CNTN4: variants seen among roughly 807,000 people sequenced by gnomAD.
CNTN4 encodes the protein contactin 4, also known as contactin-4.
A neutral mutation model predicts 122.5 loss-of-function variants in CNTN4; 77 were observed. The observed-to-expected ratio is 0.63, with a 90% CI of 0.52 to 0.76. The LOEUF (loss-of-function observed/expected upper bound fraction) is 0.76. Among genes scored for constraint, CNTN4 ranks in the 30% least tolerant of loss-of-function variants. CNTN4 has a pLI of 0.00. For synonymous variants in CNTN4, 512 were observed against 447.0 expected (o/e 1.15, Z -1.83); for missense variants, 1,256 against 1,259.1 (o/e 1.00, Z 0.04).
chr3:2,419,275 T>C (rs561539204), intron 3 of CNTN4, among the ~76,000 whole-genome samples: 3 of 152,336 alleles, frequency 2.0e-5, no homozygotes, highest in Non-Finnish European at 2.9e-5. Context: ...TCCACTCTAA[T>C]GTAGCTTTCT....
At chr3:2,118,553 T>C (rs1172044960) in intron 2 of CNTN4, among the ~76,000 whole-genome samples, 4 of 152,260 alleles carry the variant, frequency 2.6e-5, no homozygotes, top group African/African-American at 7.2e-5. Context: ...AGTAGATTGG[T>C]AATTTGTGCA....
chr3:2,273,006 A>T (rs1575229873), intron 2 of CNTN4, among the ~76,000 whole-genome samples: 1 of 152,154 alleles, frequency 6.6e-6, no homozygotes, highest in Non-Finnish European at 1.5e-5. Context: ...TATCTTCAAA[A>T]ATATCAACAT....
At chr3:2,731,613 C>T (rs1207806216) in intron 4 of CNTN4, among the ~76,000 whole-genome samples, 1 of 152,136 alleles carries the variant, frequency 6.6e-6, no homozygotes, top group Non-Finnish European at 1.5e-5. Flanking sequence ...TTAGGAATTC[C>T]TAGAAGGGTG....
chr3:2,343,885 C>G (rs2044299450), intron 3 of CNTN4, among the ~76,000 whole-genome samples: 1 of 152,164 alleles, frequency 6.6e-6, no homozygotes, highest in Non-Finnish European at 1.5e-5. Context: ...GCACCAGCAT[C>G]TGTGTGTGGT....
At chr3:3,039,191 A>T in intron 19 of CNTN4, 188 bp downstream of exon 19, 1 of 607,882 alleles carries the variant, frequency 1.6e-6, no homozygotes, top group South Asian at 1.9e-5. Context: ...TCCATTGTTG[A>T]GGCAAGTTTT....
intron 3 of CNTN4, among the ~76,000 whole-genome samples, chr3:2,350,299 G>A (rs1459075159): frequency 6.6e-6 from 1 of 152,156 alleles, no homozygotes; most frequent in African/African-American, 2.4e-5. Context: ...TTCTTTAAGA[G>A]TGTAAAAAAC....
intron 6 of CNTN4, among the ~76,000 whole-genome samples, chr3:2,795,625 A>G (rs2092149938): frequency 6.7e-6 from 1 of 148,972 alleles, no homozygotes; most frequent in African/African-American, 2.5e-5. Context: ...GGTTCACGCC[A>G]TTCTCCTGCC....
At chr3:2,244,573 A>C (rs1559374380) in intron 2 of CNTN4, among the ~76,000 whole-genome samples, 1 of 152,110 alleles carries the variant, frequency 6.6e-6, no homozygotes, top group Non-Finnish European at 1.5e-5. Context: ...TAGGTTACAT[A>C]AAATATATTA....
At chr3:3,032,790 A>G (rs1039250) in intron 16 of CNTN4, among the ~76,000 whole-genome samples, 93,869 of 152,076 alleles carry the variant, frequency 0.62, 29,359 homozygotes, top group Middle Eastern at 0.71. Flanking sequence ...AATCTTCTAC[A>G]TGCCCCTGAG....
intron 6 of CNTN4, among the ~76,000 whole-genome samples, chr3:2,779,772 G>C (rs1349322105): frequency 6.6e-6 from 1 of 152,182 alleles, no homozygotes; most frequent in African/African-American, 2.4e-5. Context: ...CATACAATAA[G>C]TGGTGGTGGT....
At chr3:2,759,404 C>T (rs1274958940) in intron 6 of CNTN4, among the ~76,000 whole-genome samples, 1 of 152,188 alleles carries the variant, frequency 6.6e-6, no homozygotes, top group Non-Finnish European at 1.5e-5. Flanking sequence ...GCCTCGGCCT[C>T]CCAAAGTGCT....
chr3:2,801,756 A>G (rs1475247388), intron 6 of CNTN4, among the ~76,000 whole-genome samples: 1 of 145,656 alleles, frequency 6.9e-6, no homozygotes, highest in Admixed American at 7.0e-5. Context: ...CCTCAAGGAG[A>G]TTGTAGTCTC....
Position 2,362,549 on chromosome 3 carries a change from G to A in CNTN4, c.-89+23316G>A, listed in dbSNP as rs1009330979. 18 of 601,554 alleles carry A rather than the reference G, an allele frequency of 3.0e-5. No individual in the cohort carries two copies. The East Asian group carries it at 3.4e-4, about 11-fold the overall frequency. The allele number at this position is 601,554 out of a possible 1,614,324, so 37.3% of individuals were successfully genotyped here. A position where few individuals can be genotyped will look rare whatever the true frequency, so the allele number is the denominator to read the frequency against. On this transcript the variant is annotated intron_variant, in intron 3 of 24. Transcript: ENST00000418658. ...GTCATTCCTAAGAAGCCCATTCCTC[G>A]GATTAACCAGGCTGAAGAAGAAGAC...
chr3:2,741,245 C>A (rs1034923474), intron 5 of CNTN4, among the ~76,000 whole-genome samples: 1 of 152,218 alleles, frequency 6.6e-6, no homozygotes, highest in African/African-American at 2.4e-5. Flanking sequence ...GATGTAACTA[C>A]AAGTAAAGGA....
intron 3 of CNTN4, among the ~76,000 whole-genome samples, chr3:2,505,130 G>A (rs910783651): frequency 2.6e-5 from 4 of 152,164 alleles, no homozygotes; most frequent in African/African-American, 4.8e-5. Flanking sequence ...GAATGTTGTG[G>A]TCTTTCTGGA....
intron 4 of CNTN4, among the ~76,000 whole-genome samples, chr3:2,588,468 G>C (rs1297072645): frequency 6.6e-6 from 1 of 152,022 alleles, no homozygotes; most frequent in African/African-American, 2.4e-5. Context: ...CCAGGTTCAA[G>C]CTATTCTCCT....
intron 2 of CNTN4, among the ~76,000 whole-genome samples, chr3:2,117,689 T>C (rs370923823): frequency 2.0e-5 from 3 of 152,224 alleles, no homozygotes; most frequent in African/African-American, 7.2e-5. Flanking sequence ...AGGAGTTTTA[T>C]GTCAGGAAAT....
chr3:2,426,618 T>G (rs2047844348), intron 3 of CNTN4, among the ~76,000 whole-genome samples: 1 of 152,178 alleles, frequency 6.6e-6, no homozygotes, highest in Non-Finnish European at 1.5e-5. Flanking sequence ...TCTTTTTCTA[T>G]TGATTGGAAT....
At chr3:3,019,542 G>C (rs1698078215) in intron 14 of CNTN4, among the ~76,000 whole-genome samples, 2 of 151,936 alleles carry the variant, frequency 1.3e-5, no homozygotes, top group East Asian at 3.9e-4. Flanking sequence ...TGATCTGCCT[G>C]CCTCAGCCTC....
Sources: gnomAD v4.1 joint callset for allele counts (sites outside exome capture counted in the v4.1 genomes callset) on GRCh38, gnomAD v4.1.1 for gene constraint, MANE v1.5 for transcripts, NCBI Gene and HGNC (gene_info 2026-07-23, HGNC 2026-07-21) for gene names.